Variants in TRIM24 observed in about 807,000 individuals in gnomAD.
The protein encoded by TRIM24 is transcription intermediary factor 1-alpha.
A neutral mutation model predicts 123.9 loss-of-function variants in TRIM24; 29 were observed. The ratio of observed to expected loss-of-function variants is 0.23; its 90% CI spans 0.17 to 0.32. TRIM24 has a LOEUF of 0.32. Among genes scored for constraint, TRIM24 ranks in the 10% least tolerant of loss-of-function variants. The probability of loss-of-function intolerance (pLI) is 1.00; values close to 1 mark genes in which losing one functional copy is unlikely to be tolerated. For missense variants in TRIM24, 932 were observed against 1,295.3 expected, an observed-to-expected ratio of 0.72 and a Z score of 4.31; for synonymous variants, 456 against 461.1, an observed-to-expected ratio of 0.99 and a Z score of 0.14.
chr7:138,518,696 A>T (rs1232136694), intron 3 of TRIM24, among the ~76,000 whole-genome samples: 2 of 152,038 alleles, frequency 1.3e-5, no homozygotes, highest in East Asian at 3.8e-4. Flanking sequence ...GAGGTCTCAC[A>T]GTGTTCCCAG....
In TRIM24 at chr7:138,474,832, G is replaced by T. The variant is rs573853817; in HGVS notation, c.364+13920G>T. Among the ~76,000 whole-genome samples the T allele has an allele frequency of 2.6e-5, 4 of 152,254 alleles. No homozygotes were observed. In the South Asian group the frequency reaches 6.2e-4, roughly 24 times the overall value. ...ATCTTTACACTAATATCATGCTGTTGAGTCTGTATTAAAGCCAAGAGATCT... is the reference window on the plus strand; with the variant it reads ...ATCTTTACACTAATATCATGCTGTTTAGTCTGTATTAAAGCCAAGAGATCT... On this transcript the variant is annotated intron_variant, in intron 1 of 18. Transcript: ENST00000343526.
Position 138,567,596 on chromosome 7 carries a change from A to G in TRIM24, c.1646A>G (p.Gln549Arg). The G allele has an allele frequency of 6.2e-7, 1 of 1,613,830 alleles. No homozygotes were observed. Among genetic ancestry groups the G allele is most frequent in the Non-Finnish European group, 8.5e-7 (1 of 1,179,862 alleles). ...RYPPNQNIPR[Q>R]AIKPNPLQMA... ...CCACCAAACCAGAACATACCACGACAAGCAATAAAGCCAAACCCCCTACAG... is the reference window on the plus strand; with the variant it reads ...CCACCAAACCAGAACATACCACGACGAGCAATAAAGCCAAACCCCCTACAG... The change falls in exon 10 of 19, where the codon CAA becomes CGA. Residue 549 changes from glutamine to arginine, a missense_variant. Physicochemically the swap from Gln to Arg is conservative, Grantham distance 43. Coordinates refer to ENST00000343526, the MANE Select transcript of TRIM24 (RefSeq NM_015905.3).
At chr7:138,464,315 C>G (rs751784811) in intron 1 of TRIM24, among the ~76,000 whole-genome samples, 1 of 151,834 alleles carries the variant, frequency 6.6e-6, no homozygotes, top group East Asian at 1.9e-4. Flanking sequence ...CATTGCTTAA[C>G]TAAATAACGG....
intron 1 of TRIM24, among the ~76,000 whole-genome samples, chr7:138,503,057 C>A (rs1796075412): frequency 6.6e-6 from 1 of 152,050 alleles, no homozygotes; most frequent in African/African-American, 2.4e-5. Context: ...ATTCCCCACC[C>A]CCAATAGTTG....
intron 8 of TRIM24, among the ~76,000 whole-genome samples, chr7:138,553,296 G>C (rs1207184384): frequency 6.6e-6 from 1 of 152,112 alleles, no homozygotes; most frequent in Non-Finnish European, 1.5e-5. Flanking sequence ...GGAAAATATT[G>C]ATCTAGATGA....
At chr7:138,571,582 A>G (rs761576174) in intron 11 of TRIM24, among the ~76,000 whole-genome samples, 2 of 152,200 alleles carry the variant, frequency 1.3e-5, no homozygotes, top group Non-Finnish European at 2.9e-5. Flanking sequence ...ATGGCTGGAC[A>G]TCAGAAGAGA....
At chr7:138,544,310 T>A (rs1421299335) in intron 7 of TRIM24, among the ~76,000 whole-genome samples, 1 of 152,252 alleles carries the variant, frequency 6.6e-6, no homozygotes, top group Admixed American at 6.5e-5. Flanking sequence ...CTTACCATAG[T>A]GTCCTCAAGG....
intron 5 of TRIM24, among the ~76,000 whole-genome samples, chr7:138,527,836 G>A (rs1796641621): frequency 6.6e-6 from 1 of 152,160 alleles, no homozygotes; most frequent in African/African-American, 2.4e-5. Context: ...TTTATTGAGT[G>A]CACTCATACC....
At chr7:138,535,735 C>T (rs11972920) in intron 6 of TRIM24, among the ~76,000 whole-genome samples, 54,695 of 151,904 alleles carry the variant, frequency 0.36, 9,986 homozygotes, top group East Asian at 0.51. Context: ...TGGCATTCTC[C>T]GTATTTCCTG....
intron 9 of TRIM24, among the ~76,000 whole-genome samples, chr7:138,563,616 G>A (rs551147061): frequency 6.6e-6 from 1 of 152,212 alleles, no homozygotes; most frequent in East Asian, 1.9e-4. Flanking sequence ...AAATTTTTTA[G>A]CTTTTGCATC....
At chr7:138,582,338 A>G (rs537483157) in intron 17 of TRIM24, among the ~76,000 whole-genome samples, 4 of 151,962 alleles carry the variant, frequency 2.6e-5, no homozygotes, top group Admixed American at 6.6e-5. Context: ...GTCAGGAGAT[A>G]GAGACCATCC....
intron 12 of TRIM24, among the ~76,000 whole-genome samples, chr7:138,575,808 T>A (rs1797745975): frequency 6.6e-6 from 1 of 152,182 alleles, no homozygotes; most frequent in Non-Finnish European, 1.5e-5. Flanking sequence ...AGGGCAGTAG[T>A]CCAGAATCCC....
chr7:138,463,231 TCCTTCCTTCCTTCTTTCCTGCGTTCTTA>T (rs1795052442), intron 1 of TRIM24, among the ~76,000 whole-genome samples: 1 of 150,976 alleles, frequency 6.6e-6, no homozygotes. Context: ...GGTTTTTCCT[TCCTTCCTTCCTTCTTTCCTGCGTTCTTA>T]CCTTCCTACC....
At chr7:138,559,671 G>A (rs1293565723) in intron 9 of TRIM24, among the ~76,000 whole-genome samples, 16 of 152,156 alleles carry the variant, frequency 1.1e-4, no homozygotes, top group Non-Finnish European at 1.8e-4. Context: ...TGGTCCCACC[G>A]TAGGATCAGC....
intron 3 of TRIM24, among the ~76,000 whole-genome samples, chr7:138,516,246 G>A (rs1796392018): frequency 6.6e-6 from 1 of 152,156 alleles, no homozygotes; most frequent in South Asian, 2.1e-4. Flanking sequence ...AGCTTGCGGT[G>A]AGCCGAGATC....
chr7:138,559,918 T>C (rs954664504), intron 9 of TRIM24, among the ~76,000 whole-genome samples: 1 of 152,196 alleles, frequency 6.6e-6, no homozygotes, highest in Non-Finnish European at 1.5e-5. Context: ...TTATGGGCAT[T>C]CTTTCCTGTA....
At chr7:138,520,262 C>T (rs771072395) in intron 4 of TRIM24, among the ~76,000 whole-genome samples, 2 of 152,154 alleles carry the variant, frequency 1.3e-5, no homozygotes, top group Non-Finnish European at 2.9e-5. Context: ...TGAAAGTCTG[C>T]ACTATTATAG....
chr7:138,583,812 T>G (rs1174991363), intron 17 of TRIM24, 38 bp from the exon 18 acceptor site: 1 of 1,372,710 alleles, frequency 7.3e-7, no homozygotes, highest in Non-Finnish European at 1.0e-6. Flanking sequence ...AAGGTGGAAT[T>G]TAGCTATTTG....
intron 1 of TRIM24, among the ~76,000 whole-genome samples, chr7:138,482,097 AC>A (rs974034046): frequency 2.0e-5 from 3 of 152,018 alleles, no homozygotes; most frequent in African/African-American, 7.2e-5. Context: ...ATTTGTTACT[AC>A]CTGCACCAGG....
Sources: allele counts gnomAD v4.1 joint callset (sites outside exome capture counted in the v4.1 genomes callset), GRCh38; gene constraint gnomAD v4.1.1; transcripts MANE v1.5; gene names NCBI Gene and HGNC (gene_info 2026-07-23, HGNC 2026-07-21).